PDGFC: variants seen among roughly 807,000 people sequenced by gnomAD.
PDGFC encodes platelet-derived growth factor C.
A neutral mutation model predicts 35.5 loss-of-function variants in PDGFC; 12 were observed. That is an observed-to-expected ratio of 0.34 (90% confidence interval 0.22 to 0.55). The LOEUF (loss-of-function observed/expected upper bound fraction) is 0.55, where lower values mean the gene tolerates loss of function less well. Among genes scored for constraint, PDGFC ranks in the 20% least tolerant of loss-of-function variants. The pLI is 0.91. For missense variants in PDGFC, 322 were observed against 412.4 expected (o/e 0.78, Z 1.90); for synonymous variants, 159 against 148.8 (o/e 1.07, Z -0.50).
At chr4:156,921,924 T>G (rs1436309934) in intron 1 of PDGFC, among the ~76,000 whole-genome samples, 1 of 152,096 alleles carries the variant, frequency 6.6e-6, no homozygotes, top group Non-Finnish European at 1.5e-5. Context: ...CACACTAGTA[T>G]TTCCTTACAG....
chr4:156,781,994 A>G (rs1414392608), intron 3 of PDGFC, among the ~76,000 whole-genome samples: 1 of 152,150 alleles, frequency 6.6e-6, no homozygotes, highest in Non-Finnish European at 1.5e-5. Context: ...TCTGTGTTAC[A>G]TGGAGTGGCA....
chr4:156,901,210 C>T (rs1310940321), intron 1 of PDGFC, among the ~76,000 whole-genome samples: 2 of 152,150 alleles, frequency 1.3e-5, no homozygotes, highest in Non-Finnish European at 2.9e-5. Flanking sequence ...AGGGAATCCA[C>T]ATCTTTTAAA....
intron 2 of PDGFC, among the ~76,000 whole-genome samples, chr4:156,824,325 T>TATATATACACACATATACAC (rs1313538089): frequency 1.3e-4 from 14 of 109,610 alleles, no homozygotes; most frequent in African/African-American, 5.8e-4. Context: ...TATATATATA[T>TATATATACACACATATACAC]ATACACACAC....
chr4:156,922,708 A>C lies in PDGFC; in HGVS notation c.118+48078T>G, dbSNP rs79162700. Among the ~76,000 whole-genome samples, 1,135 of 152,278 alleles carry C rather than the reference A, an allele frequency of 7.5e-3. 19 individuals are homozygous for C. The highest frequency in any genetic ancestry group is 0.026 in the African/African-American group (1,081 of 41,544). ...ATTTACAGAAGATTATGGTGAACAC[A>C]GCTTAAATCTTCATGAGATGCTGTT... is the stretch of plus-strand genomic sequence containing the variant. On this transcript the variant is annotated intron_variant, in intron 1 of 5. Transcript: ENST00000502773.
chr4:156,801,261 T>C (rs1426954643), intron 3 of PDGFC, among the ~76,000 whole-genome samples: 1 of 152,116 alleles, frequency 6.6e-6, no homozygotes, highest in Non-Finnish European at 1.5e-5. Flanking sequence ...TTCCCTTGCC[T>C]GCCAAACTAT....
rs368483475 is a variant in PDGFC, at chr4:156,903,104, A to AGAGAGAGT, written c.119-52689_119-52688insACTCTCTC. 2.3e-3 allele frequency among the ~76,000 whole-genome samples: 304 copies of AGAGAGAGT among 130,696 alleles called. 2 individuals are homozygous for AGAGAGAGT. The highest frequency in any genetic ancestry group is 5.6e-3 in the South Asian group (21 of 3,722). The allele number at this position is 130,696 out of a possible 152,430, so 85.7% of individuals were successfully genotyped here. ...AGGACAAAGAGAGAGAGAGAGAGAGAGTGTGTGTGTGTGTGTGTGTGTGTG... is the reference window on the plus strand; with the variant it reads ...AGGACAAAGAGAGAGAGAGAGAGAGAGAGAGAGTGTGTGTGTGTGTGTGTGTGTGTGTG... On this transcript the variant is annotated intron_variant, in intron 1 of 5. Transcript: ENST00000502773.
At chr4:156,810,628 T>C (rs911352746) in intron 3 of PDGFC, among the ~76,000 whole-genome samples, 3 of 152,036 alleles carry the variant, frequency 2.0e-5, no homozygotes, top group Admixed American at 1.3e-4. Context: ...ATGAATATGA[T>C]ATAAAATGGT....
intron 3 of PDGFC, among the ~76,000 whole-genome samples, chr4:156,806,082 TAAC>T (rs1579020925): frequency 6.6e-6 from 1 of 152,110 alleles, no homozygotes; most frequent in East Asian, 1.9e-4. Context: ...TATAATTTAA[TAAC>T]AAGAATAAAC....
Position 156,772,860 on chromosome 4 carries a change from G to T in PDGFC, c.529C>A (p.Pro177Thr), listed in dbSNP as rs1021050969. 6.2e-7 allele frequency: 1 copy of T among 1,613,020 alleles called. No homozygotes were observed. The highest frequency in any genetic ancestry group is 1.3e-5 in the African/African-American group (1 of 74,886). The change falls in exon 4 of 6, where the codon CCC becomes ACC. Residue 177 changes from proline to threonine, a missense_variant. By Grantham distance (38) the Pro-to-Thr change is conservative. Coordinates refer to ENST00000502773, the MANE Select transcript of PDGFC (RefSeq NM_016205.3). ...AGGTCCAGTGGCAAAGCTGAAGGGG[G>T]TAGCACTGAAGGACTCACAGCTTCT... is the stretch of plus-strand genomic sequence containing the variant. ...FTEAVSPSVL[P>T]PSALPLDLLN... is the part of the protein sequence containing the mutation.
intron 3 of PDGFC, among the ~76,000 whole-genome samples, chr4:156,789,845 C>T (rs1484607969): frequency 2.6e-5 from 4 of 151,702 alleles, no homozygotes; most frequent in East Asian, 3.9e-4. Context: ...GGCATGGTGA[C>T]GGGTGCCTGT....
intron 3 of PDGFC, among the ~76,000 whole-genome samples, chr4:156,774,724 G>A (rs1362375204): frequency 6.8e-6 from 1 of 147,544 alleles, no homozygotes; most frequent in Non-Finnish European, 1.5e-5. Flanking sequence ...TGTGCATTAT[G>A]AGAAAAGCAC....
intron 2 of PDGFC, among the ~76,000 whole-genome samples, chr4:156,816,258 G>C (rs1229641637): frequency 1.3e-5 from 2 of 152,144 alleles, no homozygotes; most frequent in African/African-American, 4.8e-5. Context: ...ACAAATGAAT[G>C]TGGATTTTAA....
Position 156,763,081 on chromosome 4 carries a change from G to C in PDGFC, c.*9C>G. The C allele has an allele frequency of 2.8e-6, 4 of 1,421,164 alleles. No homozygotes were observed. Among genetic ancestry groups the C allele is most frequent in the African/African-American group, 2.8e-5 (2 of 71,134 alleles). The allele number at this position is 1,421,164 out of a possible 1,614,324, so 88.0% of individuals were successfully genotyped here. A position where few individuals can be genotyped will look rare whatever the true frequency, so the allele number is the denominator to read the frequency against. ...CAGCTCTGGGCAAGAGCTGCTGGTG[G>C]TGATGCGGCTATCCTCCTGTGCTCC... On this transcript the variant is annotated 3_prime_UTR_variant, in exon 6 of 6. Coordinates refer to ENST00000502773, the MANE Select transcript of PDGFC (RefSeq NM_016205.3).
Position 156,810,917 on chromosome 4 carries a change from G to T in PDGFC, c.415C>A (p.Gln139Lys). ...TCAGATACAAATCTTATCCTAATTT[G>T]ATTTCCTTTAGAAATCTGTTTTCCT... ...VPGKQISKGN[Q>K]IRIRFVSDEY... Residue 139 changes from glutamine (Q) to lysine (K), a missense_variant, in exon 3 of 6, where the codon CAA becomes AAA. Physicochemically the swap from Gln to Lys is moderately conservative, Grantham distance 53. Transcript: ENST00000502773. 1 of 1,607,394 alleles carries T rather than the reference G, an allele frequency of 6.2e-7. No homozygotes were observed. Among genetic ancestry groups the T allele is most frequent in the Non-Finnish European group, 8.5e-7 (1 of 1,174,378 alleles).
At chr4:156,827,513 A>C (rs1415147569) in intron 2 of PDGFC, among the ~76,000 whole-genome samples, 1 of 152,158 alleles carries the variant, frequency 6.6e-6, no homozygotes, top group African/African-American at 2.4e-5. Flanking sequence ...TGATGATTCT[A>C]AAGAAGTAGG....
chr4:156,872,255 C>A (rs1220003547), intron 1 of PDGFC, among the ~76,000 whole-genome samples: 1 of 152,028 alleles, frequency 6.6e-6, no homozygotes, highest in South Asian at 2.1e-4. Context: ...CAATTTCAAA[C>A]AATATGGCAA....
At chr4:156,905,631 G>A (rs1730898007) in intron 1 of PDGFC, among the ~76,000 whole-genome samples, 1 of 152,070 alleles carries the variant, frequency 6.6e-6, no homozygotes, top group East Asian at 1.9e-4. Flanking sequence ...TCAACCTGGA[G>A]TAGAAAATAT....
intron 2 of PDGFC, chr4:156,842,008 A>C (rs989788169): frequency 4.6e-5 from 7 of 152,132 alleles, no homozygotes; most frequent in African/African-American, 1.7e-4. Flanking sequence ...ATCTGATGCA[A>C]TATTGGTGTC....
In PDGFC at chr4:156,971,347, C is replaced by G. The variant is rs1732588896; in HGVS notation, c.-444G>C. ...GACTGGAAGCCAAGTCGGCGGCGAG[C>G]AGTTTCTGATCAATAACAAAGCTGC... On this transcript the variant is annotated 5_prime_UTR_variant, in exon 1 of 6. Coordinates refer to ENST00000502773, the MANE Select transcript of PDGFC (RefSeq NM_016205.3). 2.5e-6 allele frequency: 1 copy of G among 399,150 alleles called. No homozygotes were observed. The highest frequency in any genetic ancestry group is 1.3e-4 in the South Asian group (1 of 7,922). 24.7% of individuals were successfully genotyped at this position (399,150 alleles called of 1,614,324 possible). A position where few individuals can be genotyped will look rare whatever the true frequency, so the allele number is the denominator to read the frequency against.
Sources: gnomAD v4.1 joint callset for allele counts (sites outside exome capture counted in the v4.1 genomes callset) on GRCh38, gnomAD v4.1.1 for gene constraint, MANE v1.5 for transcripts, NCBI Gene and HGNC (gene_info 2026-07-23, HGNC 2026-07-21) for gene names.